Variants in EDNRA observed in about 807,000 individuals in gnomAD.
EDNRA encodes the protein endothelin-1 receptor.
EDNRA carries 11 observed loss-of-function variants against 41.4 expected under a neutral mutation model. The observed-to-expected ratio is 0.27, with a 90% CI of 0.17 to 0.44. EDNRA has a LOEUF of 0.44. Ranked by LOEUF, EDNRA falls within the 20% of genes least tolerant of loss-of-function variation. The probability of loss-of-function intolerance (pLI) is 1.00; values close to 1 mark genes in which losing one functional copy is unlikely to be tolerated. For missense variants in EDNRA, 294 were observed against 531.0 expected (o/e 0.55, Z 4.39); for synonymous variants, 172 against 183.0 (o/e 0.94, Z 0.49).
chr4:147,488,903 A>G (rs570639161), intron 2 of EDNRA: 30 of 152,304 alleles, frequency 2.0e-4, no homozygotes, highest in African/African-American at 7.2e-4. Context: ...AACCATATCA[A>G]GTTCACTACC....
At chr4:147,532,776 T>C in intron 4 of EDNRA, 72 bp downstream of exon 4, 1 of 1,471,346 alleles carries the variant, frequency 6.8e-7, no homozygotes, top group Non-Finnish European at 9.5e-7. Context: ...ATCTTGAGAC[T>C]TGATGACATC....
At chr4:147,500,768 G>A (rs1449530536) in intron 2 of EDNRA, among the ~76,000 whole-genome samples, 1 of 151,972 alleles carries the variant, frequency 6.6e-6, no homozygotes, top group Non-Finnish European at 1.5e-5. Context: ...AGCAGAGTTG[G>A]GTAGTGGAGA....
intron 2 of EDNRA, among the ~76,000 whole-genome samples, chr4:147,505,326 CATTTT>C (rs1729661601): frequency 1.1e-4 from 9 of 82,030 alleles, no homozygotes; most frequent in African/African-American, 4.3e-4. Context: ...TTTCTTTTTT[CATTTT>C]TTTTTTTTTT....
intron 1 of EDNRA, among the ~76,000 whole-genome samples, chr4:147,484,731 CATCGGCAAAT>C (rs1728884599): frequency 6.6e-6 from 1 of 152,194 alleles, no homozygotes; most frequent in African/African-American, 2.4e-5. Flanking sequence ...CCATTTCATT[CATCGGCAAAT>C]ACCGTATTGT....
At chr4:147,524,220 G>A (rs1730448359) in intron 3 of EDNRA, among the ~76,000 whole-genome samples, 1 of 151,652 alleles carries the variant, frequency 6.6e-6, no homozygotes, top group African/African-American at 2.4e-5. Context: ...CCAGGGTGCA[G>A]AGCTGGTTCC....
At chr4:147,512,688 A>T (rs566356276) in intron 2 of EDNRA, among the ~76,000 whole-genome samples, 1 of 152,268 alleles carries the variant, frequency 6.6e-6, no homozygotes, top group African/African-American at 2.4e-5. Context: ...AACAGTTAAC[A>T]TGTCTAAGTC....
chr4:147,500,255 G>A (rs548128981), intron 2 of EDNRA, among the ~76,000 whole-genome samples: 1 of 152,150 alleles, frequency 6.6e-6, no homozygotes, highest in Admixed American at 6.5e-5. Context: ...TAAAAATCAG[G>A]GACTATTTCT....
At chr4:147,518,171 T>C (rs1410138186) in intron 2 of EDNRA, among the ~76,000 whole-genome samples, 1 of 152,258 alleles carries the variant, frequency 6.6e-6, no homozygotes, top group African/African-American at 2.4e-5. Flanking sequence ...AAATTCTTAT[T>C]CTATAAAAAG....
chr4:147,506,014 A>G (rs1729703415), intron 2 of EDNRA: 1 of 401,404 alleles, frequency 2.5e-6, no homozygotes, highest in Admixed American at 3.2e-5. Context: ...TTGAGCATGT[A>G]TCCCAGAGAA....
intron 3 of EDNRA, among the ~76,000 whole-genome samples, chr4:147,523,606 T>C (rs976243130): frequency 2.0e-5 from 3 of 151,482 alleles, no homozygotes; most frequent in Admixed American, 6.6e-5. Flanking sequence ...TTCTCCTGCC[T>C]CAGCTTCCCG....
intron 1 of EDNRA, among the ~76,000 whole-genome samples, chr4:147,483,674 A>G (rs889812517): frequency 1.2e-4 from 19 of 152,074 alleles, no homozygotes; most frequent in African/African-American, 4.3e-4. Context: ...TCAACCTTGA[A>G]TACACTCAGA....
chr4:147,485,566 T>C lies in EDNRA; in HGVS notation c.-70-46T>C. 5 of 1,153,316 alleles carry C rather than the reference T, an allele frequency of 4.3e-6. No individual in the cohort carries two copies. The South Asian group carries it at 7.9e-5, about 18-fold the overall frequency. 71.4% of individuals were successfully genotyped at this position (1,153,316 alleles called of 1,614,324 possible). ...AAATAATCATTGACTATGATCTTTT[T>C]GGCAACTGGGTTTTGGAACAAAAAT... On this transcript the variant is annotated intron_variant, in intron 1 of 7. Transcript: ENST00000651419.
rs534986980 is a variant in EDNRA, at chr4:147,539,918, C to T, written c.1002C>T (p.Asn334=). 24 of 1,612,556 alleles carry T rather than the reference C, an allele frequency of 1.5e-5. No homozygotes were observed. The Admixed American group carries it at 1.8e-4, about 12-fold the overall frequency. ...GTATATTGAAGAAAACTGTGTATAA[C>T]GAGATGGACAAGAACCGATGTGAAT... ...LSRILKKTVY[N]EMDKNRCELL... The change falls in exon 6 of 8, where the codon AAC becomes AAT. Residue 334 remains asparagine, a synonymous_variant. Coordinates refer to ENST00000651419, the MANE Select transcript of EDNRA (RefSeq NM_001957.4).
intron 2 of EDNRA, among the ~76,000 whole-genome samples, chr4:147,505,633 T>C (rs1729681168): frequency 6.8e-6 from 1 of 146,986 alleles, no homozygotes; most frequent in Non-Finnish European, 1.5e-5. Flanking sequence ...TAAGCCACCC[T>C]GCCCCGCCGG....
intron 3 of EDNRA, among the ~76,000 whole-genome samples, chr4:147,521,977 A>G (rs1022278871): frequency 1.3e-4 from 20 of 152,216 alleles, no homozygotes; most frequent in Admixed American, 1.2e-3. Context: ...TGTTTTAAAC[A>G]ATGTAATGCA....
intron 3 of EDNRA, among the ~76,000 whole-genome samples, chr4:147,526,698 G>C (rs769111191): frequency 7.9e-5 from 12 of 152,328 alleles, no homozygotes; most frequent in Non-Finnish European, 1.8e-4. Flanking sequence ...CAGTGGCTCA[G>C]CCTTAGGAGG....
At chr4:147,534,245 A>G (rs1002798524) in intron 4 of EDNRA, among the ~76,000 whole-genome samples, 1 of 152,204 alleles carries the variant, frequency 6.6e-6, no homozygotes, top group African/African-American at 2.4e-5. Flanking sequence ...AGAAGGGAGA[A>G]TGGGTGCTCA....
At chr4:147,511,063 C>G (rs1729901540) in intron 2 of EDNRA, among the ~76,000 whole-genome samples, 2 of 152,116 alleles carry the variant, frequency 1.3e-5, no homozygotes, top group Admixed American at 6.5e-5. Context: ...AGACTGGAAG[C>G]CAGCATTTCT....
At chr4:147,497,461 G>C (rs953748193) in intron 2 of EDNRA, among the ~76,000 whole-genome samples, 1 of 152,084 alleles carries the variant, frequency 6.6e-6, no homozygotes, top group African/African-American at 2.4e-5. Context: ...AAAACACAGA[G>C]GAATCTAGGC....
Sources: allele counts gnomAD v4.1 joint callset (sites outside exome capture counted in the v4.1 genomes callset), GRCh38; gene constraint gnomAD v4.1.1; transcripts MANE v1.5; gene names NCBI Gene and HGNC (gene_info 2026-07-23, HGNC 2026-07-21).